RAB3GAP1: variants seen among roughly 807,000 people sequenced by gnomAD.
RAB3GAP1 encodes the protein RAB3 GTPase activating protein catalytic subunit 1, also known as rab3 GTPase-activating protein catalytic subunit.
Under a neutral mutation model 130.7 loss-of-function variants are expected in RAB3GAP1, and 86 were observed. That is an observed-to-expected ratio of 0.66 (90% CI 0.55 to 0.79). The LOEUF (loss-of-function observed/expected upper bound fraction) is 0.79, where lower values mean the gene tolerates loss of function less well. RAB3GAP1 is among the 30% of genes least tolerant of loss of function. The probability of loss-of-function intolerance (pLI) is 0.00; values close to 1 mark genes in which losing one functional copy is unlikely to be tolerated. For synonymous variants in RAB3GAP1, 367 were observed against 401.7 expected (o/e 0.91, Z 1.03); for missense variants, 1,029 against 1,169.4 (o/e 0.88, Z 1.75).
rs755304362 is a variant in RAB3GAP1, at chr2:135,113,148, A to C, written c.363-3A>C. On this transcript the variant is annotated splice_region_variant and splice_polypyrimidine_tract_variant and intron_variant, in intron 5 of 23. Coordinates refer to ENST00000264158, the MANE Select transcript of RAB3GAP1 (RefSeq NM_012233.3). ...GTTTAATGCAGTTAATTCTTTTTTT[A>C]AGGTATGGGCTACGTGAGTTCGTGG... 49 of 1,613,932 alleles carry C rather than the reference A, an allele frequency of 3.0e-5. No individual in the cohort carries two copies. The highest frequency in any genetic ancestry group is 1.7e-6 in the Non-Finnish European group (2 of 1,180,008).
intron 5 of RAB3GAP1, among the ~76,000 whole-genome samples, chr2:135,112,008 C>T (rs561581778): frequency 6.6e-6 from 1 of 152,264 alleles, no homozygotes; most frequent in South Asian, 2.1e-4. Context: ...AGACTGTAAA[C>T]CTTGCCTAAA....
At chr2:135,071,657 C>A (rs551156576) in intron 3 of RAB3GAP1, among the ~76,000 whole-genome samples, 1 of 152,146 alleles carries the variant, frequency 6.6e-6, no homozygotes, top group Non-Finnish European at 1.5e-5. Context: ...GGCCTAAATG[C>A]AGGATGAGGT....
intron 5 of RAB3GAP1, among the ~76,000 whole-genome samples, chr2:135,101,511 A>G (rs1170307989): frequency 6.6e-6 from 1 of 152,180 alleles, no homozygotes; most frequent in Admixed American, 6.5e-5. Flanking sequence ...ATTCTAGAAA[A>G]TAGATTTTTG....
At chr2:135,102,971 C>T (rs1015928305) in intron 5 of RAB3GAP1, among the ~76,000 whole-genome samples, 1 of 135,012 alleles carries the variant, frequency 7.4e-6, no homozygotes, top group African/African-American at 2.9e-5. Context: ...GTCAAGATCG[C>T]ACACCAGACT....
chr2:135,148,668 CTTTTTTTTTTTTT>C (rs60407802), intron 17 of RAB3GAP1, among the ~76,000 whole-genome samples: 1 of 113,108 alleles, frequency 8.8e-6, no homozygotes, highest in Non-Finnish European at 1.9e-5. Context: ...ATTTTTGTAT[CTTTTTTTTTTTTT>C]TTTTTTTTTA....
chr2:135,071,267 C>A (rs925482256), intron 3 of RAB3GAP1, among the ~76,000 whole-genome samples: 1 of 152,160 alleles, frequency 6.6e-6, no homozygotes, highest in Non-Finnish European at 1.5e-5. Context: ...CCTTTGTTTC[C>A]AGTCTCTACC....
At chr2:135,075,700 C>T (rs1243355948) in intron 3 of RAB3GAP1, among the ~76,000 whole-genome samples, 2 of 142,168 alleles carry the variant, frequency 1.4e-5, no homozygotes, top group Non-Finnish European at 3.0e-5. Flanking sequence ...CTATTTCCTT[C>T]ATATGGGGGT....
At chr2:135,093,488 A>C in intron 4 of RAB3GAP1, 127 bp from the exon 5 acceptor site, 2 of 717,350 alleles carry the variant, frequency 2.8e-6, no homozygotes, top group Non-Finnish European at 5.0e-6. Flanking sequence ...AGCTATCTTT[A>C]GATATGAATC....
chr2:135,103,034 G>GTTTTTTTTTTT (rs1355666279), intron 5 of RAB3GAP1, among the ~76,000 whole-genome samples: 12 of 100,452 alleles, frequency 1.2e-4, no homozygotes, highest in South Asian at 3.6e-4. Flanking sequence ...TCATTTTTGT[G>GTTTTTTTTTTT]ATTTTTTTTT....
chr2:135,096,214 G>A (rs1690287728), intron 5 of RAB3GAP1, among the ~76,000 whole-genome samples: 1 of 152,138 alleles, frequency 6.6e-6, no homozygotes, highest in Non-Finnish European at 1.5e-5. Context: ...TTTAAGAAAG[G>A]AGACCTAGTT....
chr2:135,094,510 T>A (rs1489374480), intron 5 of RAB3GAP1, among the ~76,000 whole-genome samples: 1 of 152,156 alleles, frequency 6.6e-6, no homozygotes, highest in African/African-American at 2.4e-5. Flanking sequence ...TGTATTTTTG[T>A]CCCATTAACC....
chr2:135,162,617 G>A lies in RAB3GAP1; in HGVS notation c.2352G>A (p.Val784=). The A allele has an allele frequency of 1.2e-6, 2 of 1,614,136 alleles. No individual in the cohort carries two copies. The highest frequency in any genetic ancestry group is 2.2e-5 in the East Asian group (1 of 44,880). Reference sequence around the variant, plus strand: ...TTGCTCGGCACCTGTTACCTTGTGTGATTCATGCAGCTGTACTCAAGGTAA... The same window carrying A: ...TTGCTCGGCACCTGTTACCTTGTGTAATTCATGCAGCTGTACTCAAGGTAA... ...ADLARHLLPC[V]IHAAVLKVKE... The change falls in exon 20 of 24, where the codon GTG becomes GTA. Residue 784 remains valine (V), a synonymous_variant. Coordinates refer to ENST00000264158, the MANE Select transcript of RAB3GAP1 (RefSeq NM_012233.3).
In RAB3GAP1 at chr2:135,163,083, A is replaced by C. The variant is rs1234388277; in HGVS notation, c.2588A>C (p.Glu863Ala). ...FGTEKCEQEE[E>A]KEDLERFVSC... ...ACTGAGAAATGTGAACAGGAGGAGG[A>C]AAAGGAAGATCTTGAAAGGTAATTG... is the stretch of plus-strand genomic sequence containing the variant. The change falls in exon 22 of 24, where the codon GAA becomes GCA. Residue 863 changes from glutamate (E) to alanine (A), a missense_variant. Physicochemically the swap from Glu to Ala is moderately radical, Grantham distance 107. This residue lies in a region of RAB3GAP1 where 373 missense variants were observed against 493.6 expected (regional missense o/e 0.76). Coordinates refer to ENST00000264158, the MANE Select transcript of RAB3GAP1 (RefSeq NM_012233.3). 1 of 1,612,944 alleles carries C rather than the reference A, an allele frequency of 6.2e-7. No individual in the cohort carries two copies. Among genetic ancestry groups the C allele is most frequent in the South Asian group, 1.1e-5 (1 of 91,052 alleles).
chr2:135,104,446 A>G (rs982765922), intron 5 of RAB3GAP1, among the ~76,000 whole-genome samples: 10 of 152,214 alleles, frequency 6.6e-5, no homozygotes, highest in African/African-American at 2.2e-4. Context: ...AGATTTAGCA[A>G]TAACATCAAA....
intron 5 of RAB3GAP1, among the ~76,000 whole-genome samples, chr2:135,104,083 C>T (rs1301908409): frequency 6.6e-6 from 1 of 152,180 alleles, no homozygotes; most frequent in Non-Finnish European, 1.5e-5. Context: ...TGGGCATGAT[C>T]TGTGCTCAAA....
At chr2:135,117,594 G>GCTTCTT (rs1691038567) in intron 7 of RAB3GAP1, among the ~76,000 whole-genome samples, 1 of 19,112 alleles carries the variant, frequency 5.2e-5, no homozygotes, top group Non-Finnish European at 1.2e-4. Flanking sequence ...TTCTTCTTCT[G>GCTTCTT]CTGCTTCTTC....
At chr2:135,161,965 T>G (rs1157099777) in intron 19 of RAB3GAP1, among the ~76,000 whole-genome samples, 1 of 152,158 alleles carries the variant, frequency 6.6e-6, no homozygotes, top group Non-Finnish European at 1.5e-5. Context: ...TTTTTATTGA[T>G]GTAAAAGAAT....
At chr2:135,156,008 A>T (rs1692301005) in intron 19 of RAB3GAP1, among the ~76,000 whole-genome samples, 1 of 152,158 alleles carries the variant, frequency 6.6e-6, no homozygotes, top group Non-Finnish European at 1.5e-5. Context: ...ACATATTAGT[A>T]ACTACTGATA....
intron 3 of RAB3GAP1, among the ~76,000 whole-genome samples, chr2:135,083,366 A>C (rs1689882607): frequency 6.6e-6 from 1 of 151,844 alleles, no homozygotes; most frequent in Non-Finnish European, 1.5e-5. Context: ...TTTGTTTTTA[A>C]CCTTTTGAGG....
Sources: gnomAD v4.1 joint callset for allele counts (sites outside exome capture counted in the v4.1 genomes callset) on GRCh38, gnomAD v4.1.1 for gene constraint, gnomAD v4.1.1 regional missense constraint, MANE v1.5 for transcripts, NCBI Gene and HGNC (gene_info 2026-07-23, HGNC 2026-07-21) for gene names.